Variants in PEX16 observed in about 807,000 individuals in gnomAD.
PEX16 encodes peroxisomal biogenesis factor 16.
Under a neutral mutation model 50.5 loss-of-function variants are expected in PEX16, and 37 were observed. The observed-to-expected ratio is 0.73, with a 90% CI of 0.56 to 0.96. The LOEUF (loss-of-function observed/expected upper bound fraction) is 0.96, where lower values mean the gene tolerates loss of function less well. Ranked by LOEUF, PEX16 falls within the 40% of genes least tolerant of loss-of-function variation. PEX16 has a pLI of 0.00. For synonymous variants in PEX16, 185 were observed against 190.3 expected, an observed-to-expected ratio of 0.97 and a Z score of 0.23; for missense variants, 401 against 438.3, an observed-to-expected ratio of 0.91 and a Z score of 0.76.
upstream of PEX16, chr11:45,918,527 A>G (rs2086865127): frequency 6.6e-6 from 1 of 152,238 alleles, no homozygotes. Context: ...GTGCCCCCCA[A>G]AGGGCTCGCG....
At position 45,909,985 on chromosome 11, in the gene PEX16, C is replaced by T. The variant is rs927900798; in HGVS notation, c.*269G>A. ...CCCGGGCTCCATGAGGTGAAGTCAC[C>T]GCTTTCTGTGGGAGAGGAGCCTGGA... On this transcript the variant is annotated 3_prime_UTR_variant, in exon 11 of 11. Coordinates refer to ENST00000378750, the MANE Select transcript of PEX16 (RefSeq NM_004813.4). 19 of 1,085,194 alleles carry T rather than the reference C, an allele frequency of 1.8e-5. No homozygotes were observed. Among genetic ancestry groups the T allele is most frequent in the African/African-American group, 7.7e-5 (5 of 64,906 alleles). The allele number at this position is 1,085,194 out of a possible 1,614,324, so 67.2% of individuals were successfully genotyped here. A position where few individuals can be genotyped will look rare whatever the true frequency, so the allele number is the denominator to read the frequency against.
In PEX16 at chr11:45,910,057, G is replaced by T; in HGVS notation, c.*197C>A. Reference sequence around the variant, plus strand: ...CTTGGCCCAGCAGTGACAAGGTGCGGGCTGCAGTGGCATCGTCACAGGAGA... The same window carrying T: ...CTTGGCCCAGCAGTGACAAGGTGCGTGCTGCAGTGGCATCGTCACAGGAGA... On this transcript the variant is annotated 3_prime_UTR_variant, in exon 11 of 11. Coordinates refer to ENST00000378750, the MANE Select transcript of PEX16 (RefSeq NM_004813.4). 1 of 1,571,684 alleles carries T rather than the reference G, an allele frequency of 6.4e-7. No homozygotes were observed.
At position 45,914,637 on chromosome 11, in the gene PEX16, G is replaced by A. The variant is rs1053995048; in HGVS notation, c.508C>T (p.Arg170Trp). 20 of 1,614,042 alleles carry A rather than the reference G, an allele frequency of 1.2e-5. 1 individual carries two copies. Among genetic ancestry groups the A allele is most frequent in the Non-Finnish European group, 1.6e-5 (19 of 1,180,028 alleles). ...AGGGTTCGCACCACCCGGTTTGACCGCTTCCCCACGTAGGACTGCTCATGG... is the reference window on the plus strand; with the variant it reads ...AGGGTTCGCACCACCCGGTTTGACCACTTCCCCACGTAGGACTGCTCATGG... ...GNHEQSYVGK[R>W]SNRVVRTLQN... is the part of the protein sequence containing the mutation. The change falls in exon 6 of 11, where the codon CGG becomes TGG. Residue 170 changes from arginine (R) to tryptophan (W), a missense_variant. Transcript: ENST00000378750.
chr11:45,915,590 G>C (rs371423404), intron 4 of PEX16, 22 bp from the exon 5 acceptor site: 192 of 1,613,600 alleles, frequency 1.2e-4, no homozygotes, highest in Non-Finnish European at 1.5e-4. Flanking sequence ...AGTATGTCAG[G>C]GTTGTGGGGA....
Position 45,917,826 on chromosome 11 carries a change from C to T in PEX16, c.-15G>A, listed in dbSNP as rs2086855954. 1 of 1,513,210 alleles carries T rather than the reference C, an allele frequency of 6.6e-7. No homozygotes were observed. Among genetic ancestry groups the T allele is most frequent in the South Asian group, 1.2e-5 (1 of 83,466 alleles). The allele number at this position is 1,513,210 out of a possible 1,614,324, so 93.7% of individuals were successfully genotyped here. The stretch of plus-strand genomic sequence containing the variant: ...AGCTTCTCCATCCTGCCCTCGGCAC[C>T]GACAGACCCACAGAAGGACCGTACG... On this transcript the variant is annotated 5_prime_UTR_variant, in exon 1 of 11. Transcript: ENST00000378750.
At chr11:45,918,062 T>G (rs927119230), upstream of PEX16, 1 of 567,696 alleles carries the variant, frequency 1.8e-6, no homozygotes, top group African/African-American at 1.9e-5. Context: ...AAGTCATTGG[T>G]TAGCACGCTC....
chr11:45,909,976 T>A lies in PEX16; in HGVS notation c.*278A>T. The A allele has an allele frequency of 1.0e-6, 1 of 977,362 alleles. No individual in the cohort carries two copies. 60.5% of individuals were successfully genotyped at this position (977,362 alleles called of 1,614,324 possible). A position where few individuals can be genotyped will look rare whatever the true frequency, so the allele number is the denominator to read the frequency against. ...GAGCAGCTTCCCGGGCTCCATGAGG[T>A]GAAGTCACCGCTTTCTGTGGGAGAG... On this transcript the variant is annotated 3_prime_UTR_variant, in exon 11 of 11. Transcript: ENST00000378750.
chr11:45,917,517 G>A (rs2086849864), intron 1 of PEX16, 24 bp from the exon 2 acceptor site: 4 of 1,613,706 alleles, frequency 2.5e-6, no homozygotes, highest in Non-Finnish European at 1.7e-6. Flanking sequence ...ACAGAAGGAG[G>A]TGTGAGTGAG....
At chr11:45,918,739 A>G (rs2086868112), upstream of PEX16, 1 of 152,172 alleles carries the variant, frequency 6.6e-6, no homozygotes, top group African/African-American at 2.4e-5. Context: ...TGCGCCCCCA[A>G]GGGAAGGGGA....
chr11:45,911,035 G>A (rs1204769206), intron 9 of PEX16, 73 bp from the exon 10 acceptor site: 1 of 1,024,758 alleles, frequency 9.8e-7, no homozygotes, highest in Non-Finnish European at 1.5e-6. Flanking sequence ...GAGGCCCAGA[G>A]GCCTTCACTG....
Position 45,916,308 on chromosome 11 carries a change from G to A in PEX16, c.149-5C>T, listed in dbSNP as rs768446035. The A allele has an allele frequency of 1.2e-6, 2 of 1,612,550 alleles. No homozygotes were observed. Among genetic ancestry groups the A allele is most frequent in the South Asian group, 2.2e-5 (2 of 91,076 alleles). On this transcript the variant is annotated splice_region_variant and splice_polypyrimidine_tract_variant and intron_variant, in intron 2 of 10. Coordinates refer to ENST00000378750, the MANE Select transcript of PEX16 (RefSeq NM_004813.4). ...GCAGGTTAGAGGCAGAGTACACTGA[G>A]GGGTAGAGAGTGGCCTTGAGAGGCT... is the stretch of plus-strand genomic sequence containing the variant.
rs749654004 is a variant in PEX16 at position 45,909,853 on chromosome 11, C to G, written c.*401G>C. 3.5e-6 allele frequency: 2 copies of G among 573,038 alleles called. No individual in the cohort carries two copies. Among genetic ancestry groups the G allele is most frequent in the Non-Finnish European group, 6.3e-6 (2 of 318,566 alleles). The allele number at this position is 573,038 out of a possible 1,614,324, so 35.5% of individuals were successfully genotyped here. A position where few individuals can be genotyped will look rare whatever the true frequency, so the allele number is the denominator to read the frequency against. On this transcript the variant is annotated 3_prime_UTR_variant, in exon 11 of 11. Transcript: ENST00000378750. ...GACGGAGGGCCCCAGCCAGAAGACA[C>G]GCTGGGCAGCGTTCAGCCATCACCC...
rs1307297387 is a variant in PEX16, at chr11:45,916,320, G to T, written c.149-17C>A. The T allele has an allele frequency of 4.4e-6, 7 of 1,600,308 alleles. No individual in the cohort carries two copies. In the South Asian group the frequency reaches 7.7e-5, roughly 18 times the overall value. On this transcript the variant is annotated splice_polypyrimidine_tract_variant and intron_variant, in intron 2 of 10. Transcript: ENST00000378750. Reference sequence around the variant, plus strand: ...CAGAGTACACTGAGGGGTAGAGAGTGGCCTTGAGAGGCTGGCTCTGCAGCC... The same window carrying T: ...CAGAGTACACTGAGGGGTAGAGAGTTGCCTTGAGAGGCTGGCTCTGCAGCC...
chr11:45,914,437 A>C lies in PEX16; in HGVS notation c.573T>G (p.Ala191=). 2.5e-6 allele frequency: 4 copies of C among 1,608,334 alleles called. No homozygotes were observed. The highest frequency in any genetic ancestry group is 3.4e-6 in the Non-Finnish European group (4 of 1,179,902). Residue 191 remains alanine, a synonymous_variant, in exon 7 of 11, where the codon GCT becomes GCG. Transcript: ENST00000378750. ...GCTGCCGTCCCTCCCGCTGCTGGGGAGCTCCCCAGTGCCTGGAGTGCAGGG... is the reference window on the plus strand; with the variant it reads ...GCTGCCGTCCCTCCCGCTGCTGGGGCGCTCCCCAGTGCCTGGAGTGCAGGG... The part of the protein sequence containing the change: ...TPSLHSRHWG[A]PQQREGRQQQ...
chr11:45,916,328 G>C, intron 2 of PEX16, 25 bp from the exon 3 acceptor site: 1 of 1,589,970 alleles, frequency 6.3e-7, no homozygotes. Context: ...GTGGCCTTGA[G>C]AGGCTGGCTC....
intron 3 of PEX16, 126 bp downstream of exon 3, chr11:45,916,101 T>G (rs1484551934): frequency 1.2e-6 from 1 of 822,962 alleles, no homozygotes; most frequent in Non-Finnish European, 2.1e-6. Flanking sequence ...TGAGATGGTT[T>G]GAGGCTCAGA....
upstream of PEX16, chr11:45,917,883 C>G (rs2134700259): frequency 1.8e-6 from 2 of 1,115,962 alleles, no homozygotes; most frequent in Non-Finnish European, 2.6e-6. Flanking sequence ...CCTGCGCCCT[C>G]CTTCCTGCTT....
upstream of PEX16, chr11:45,917,902 A>G: frequency 3.2e-6 from 3 of 939,190 alleles, no homozygotes; most frequent in South Asian, 4.2e-5. Flanking sequence ...TTCCGGTCTT[A>G]GGCCCGCCTC....
At chr11:45,913,785 C>T (rs1197829866) in intron 9 of PEX16, 34 bp downstream of exon 9, 3 of 1,613,474 alleles carry the variant, frequency 1.9e-6, no homozygotes, top group Non-Finnish European at 2.5e-6. Context: ...GCTTGCCAGC[C>T]CTCTCCCTGG....
Sources: gnomAD v4.1 joint callset for allele counts on GRCh38, gnomAD v4.1.1 for gene constraint, MANE v1.5 for transcripts, NCBI Gene and HGNC (gene_info 2026-07-23, HGNC 2026-07-21) for gene names.